The following TMC2 variants were observed in gnomAD, a reference collection of about 807,000 sequenced individuals.
TMC2 encodes transmembrane channel-like protein 2.
TMC2 carries 102 observed loss-of-function variants against 105.9 expected under a neutral mutation model. The observed-to-expected ratio is 0.96, with a 90% CI of 0.82 to 1.14. TMC2 has a LOEUF of 1.14. TMC2 is among the 50% of genes most tolerant of loss of function. The pLI is 0.00. For synonymous variants in TMC2, 402 were observed against 422.8 expected (o/e 0.95, Z 0.60); for missense variants, 1,093 against 1,134.3 (o/e 0.96, Z 0.52).
At chr20:2,537,529 G>C (rs751571775) in intron 2 of TMC2, among the ~76,000 whole-genome samples, 3 of 152,152 alleles carry the variant, frequency 2.0e-5, no homozygotes, top group Non-Finnish European at 4.4e-5. Flanking sequence ...CGGTGTCAGG[G>C]GAGACTCCCA....
intron 5 of TMC2, among the ~76,000 whole-genome samples, chr20:2,575,413 T>C (rs2086137000): frequency 6.7e-6 from 1 of 150,100 alleles, no homozygotes; most frequent in Non-Finnish European, 1.5e-5. Context: ...AGTCGGAGAA[T>C]GGCTTATCTT....
Position 2,617,270 on chromosome 20 carries a change from C to T in TMC2, c.2139C>T (p.Thr713=). ...LFLSLLPVAY[T]IMSLPPSFDC... ...TCAGCCTCCTGCCGGTGGCCTACAC[C>T]ATCATGTCCCTCCCACCCTCCTTTG... The change falls in exon 16 of 20, where the codon ACC becomes ACT. Residue 713 remains threonine, a synonymous_variant. Transcript: ENST00000358864. 1.2e-6 allele frequency: 2 copies of T among 1,614,220 alleles called. No individual in the cohort carries two copies. The highest frequency in any genetic ancestry group is 1.7e-6 in the Non-Finnish European group (2 of 1,180,044).
chr20:2,583,785 T>C (rs1451433989), intron 7 of TMC2, among the ~76,000 whole-genome samples: 2 of 152,104 alleles, frequency 1.3e-5, no homozygotes, highest in Admixed American at 6.6e-5. Flanking sequence ...TTAAGGCAGA[T>C]TCTTCCCCAG....
intron 16 of TMC2, among the ~76,000 whole-genome samples, chr20:2,619,543 T>C (rs2086509712): frequency 6.6e-6 from 1 of 152,158 alleles, no homozygotes; most frequent in South Asian, 2.1e-4. Context: ...GCTGATCCGG[T>C]CTTTCTCAGT....
At chr20:2,543,028 G>A (rs1405941081) in intron 2 of TMC2, among the ~76,000 whole-genome samples, 1 of 152,062 alleles carries the variant, frequency 6.6e-6, no homozygotes, top group Non-Finnish European at 1.5e-5. Context: ...CTTGAGGTCA[G>A]GAGTTTGAGA....
chr20:2,556,978 T>G (rs1215298778), intron 2 of TMC2, among the ~76,000 whole-genome samples: 1 of 152,050 alleles, frequency 6.6e-6, no homozygotes, highest in Non-Finnish European at 1.5e-5. Context: ...ACAGGTAAGG[T>G]GAGTTTTTTC....
rs2086639141 is a variant in TMC2 at position 2,635,917 on chromosome 20, CT to C, written c.2307-8del. 5.0e-6 allele frequency: 8 copies of C among 1,613,362 alleles called. No individual in the cohort carries two copies. The East Asian group carries it at 1.8e-4, about 36-fold the overall frequency. Reference sequence around the variant, plus strand: ...ACGGGACCATAGGAGGCATGCTTTTCTCTTGCAGCTTGGCCATTTACTACCT... The same window carrying C: ...ACGGGACCATAGGAGGCATGCTTTTCCTTGCAGCTTGGCCATTTACTACCT... On this transcript the variant is annotated splice_region_variant and splice_polypyrimidine_tract_variant and intron_variant, in intron 17 of 19. Coordinates refer to ENST00000358864, the MANE Select transcript of TMC2 (RefSeq NM_080751.3).
In TMC2 at chr20:2,558,853, G is replaced by C; in HGVS notation, c.401+79G>C. On this transcript the variant is annotated intron_variant, in intron 3 of 19. Transcript: ENST00000358864. This position sits in a 1 kb window ranked among gnomAD's most constrained non-coding sequence, Gnocchi z 4.6. ...CGGCCCTTCCCCTTCCCCCGTGAGG[G>C]ACTGATGCCCCCCTCCCCGGGGAGA... 7.2e-7 allele frequency: 1 copy of C among 1,394,472 alleles called. No homozygotes were observed. The highest frequency in any genetic ancestry group is 9.6e-7 in the Non-Finnish European group (1 of 1,047,004). 86.4% of individuals were successfully genotyped at this position (1,394,472 alleles called of 1,614,324 possible). A position where few individuals can be genotyped will look rare whatever the true frequency, so the allele number is the denominator to read the frequency against.
At chr20:2,614,660 A>G (rs1009319219) in intron 14 of TMC2, among the ~76,000 whole-genome samples, 1 of 152,192 alleles carries the variant, frequency 6.6e-6, no homozygotes, top group African/African-American at 2.4e-5. Context: ...TGATAAAGCT[A>G]TAATAACTAA....
rs1223100512 is a variant in TMC2 at position 2,641,015 on chromosome 20, C to T, written c.2504-119C>T. 15 of 835,454 alleles carry T rather than the reference C, an allele frequency of 1.8e-5. No homozygotes were observed. The East Asian group carries it at 3.2e-4, about 18-fold the overall frequency. 51.8% of individuals were successfully genotyped at this position (835,454 alleles called of 1,614,324 possible). ...GAGACAGCTGAGTGCAATCCGACAG[C>T]TCTCACATCACCAAATAGGACTAAA... On this transcript the variant is annotated intron_variant, in intron 19 of 19. Coordinates refer to ENST00000358864, the MANE Select transcript of TMC2 (RefSeq NM_080751.3).
intron 5 of TMC2, among the ~76,000 whole-genome samples, chr20:2,574,277 A>G (rs771041247): frequency 1.3e-5 from 2 of 152,052 alleles, no homozygotes; most frequent in Non-Finnish European, 2.9e-5. Flanking sequence ...ATTTTCCGAT[A>G]TTTTATTTAT....
At chr20:2,633,849 C>G (rs1277480231) in intron 17 of TMC2, among the ~76,000 whole-genome samples, 2 of 152,188 alleles carry the variant, frequency 1.3e-5, no homozygotes, top group African/African-American at 4.8e-5. Flanking sequence ...AAGGTACTCC[C>G]TAGATCTGCT....
chr20:2,572,429 G>A (rs1001462948), intron 5 of TMC2, among the ~76,000 whole-genome samples, 160 bp downstream of exon 5: 3 of 152,218 alleles, frequency 2.0e-5, no homozygotes, highest in African/African-American at 4.8e-5. Flanking sequence ...TCTAGGCATG[G>A]AAACCAATCG....
chr20:2,596,558 G>T (rs1019544254), intron 9 of TMC2, among the ~76,000 whole-genome samples: 1 of 151,788 alleles, frequency 6.6e-6, no homozygotes, highest in East Asian at 1.9e-4. Context: ...GCTTAAACCC[G>T]GGAGGTGGAG....
chr20:2,552,642 C>T (rs142242311), intron 2 of TMC2, among the ~76,000 whole-genome samples: 8 of 152,164 alleles, frequency 5.3e-5, no homozygotes, highest in East Asian at 3.9e-4. Flanking sequence ...CAGTCTCTGA[C>T]GTAGCTGGGA....
chr20:2,606,291 G>T (rs543945185), intron 11 of TMC2, among the ~76,000 whole-genome samples: 1 of 151,882 alleles, frequency 6.6e-6, no homozygotes, highest in African/African-American at 2.4e-5. Context: ...ATGAAGTCTC[G>T]CTCTGTCACC....
chr20:2,536,999 G>A (rs1254915680), intron 1 of TMC2, among the ~76,000 whole-genome samples: 1 of 152,186 alleles, frequency 6.6e-6, no homozygotes, highest in African/African-American at 2.4e-5. Flanking sequence ...GGTTAGGGTT[G>A]CCTGTTCCGA....
intron 16 of TMC2, 137 bp downstream of exon 16, chr20:2,617,448 T>G (rs1275948406): frequency 8.8e-7 from 1 of 1,133,274 alleles, no homozygotes; most frequent in Non-Finnish European, 1.2e-6. Flanking sequence ...ACCGATGCCA[T>G]TTAAGAGGGT....
chr20:2,570,648 G>T (rs2086096710), intron 4 of TMC2, among the ~76,000 whole-genome samples: 1 of 116,406 alleles, frequency 8.6e-6, no homozygotes, highest in South Asian at 2.3e-4. Flanking sequence ...TAGAAAAAAA[G>T]ATTCTAAAAT....
Sources: allele counts gnomAD v4.1 joint callset (sites outside exome capture counted in the v4.1 genomes callset), GRCh38; gene constraint gnomAD v4.1.1; non-coding constraint Gnocchi (gnomAD v3.1); transcripts MANE v1.5; gene names NCBI Gene and HGNC (gene_info 2026-07-23, HGNC 2026-07-21).